The following SMYD4 variants were observed in gnomAD, a reference collection of about 807,000 sequenced individuals.
SMYD4 encodes protein-lysine N-methyltransferase SMYD4.
In SMYD4, 68 loss-of-function variants were observed where a neutral mutation model predicts 72.8. That is an observed-to-expected ratio of 0.93 (90% CI 0.77 to 1.14). The LOEUF (loss-of-function observed/expected upper bound fraction) is 1.14. Among genes scored for constraint, SMYD4 ranks in the 50% most tolerant of loss-of-function variants. The pLI, the probability that SMYD4 is intolerant of heterozygous loss-of-function variation, is 0.00. For missense variants in SMYD4, 984 were observed against 1,003.7 expected (o/e 0.98, Z 0.27); for synonymous variants, 407 against 388.6 (o/e 1.05, Z -0.56).
chr17:1,812,004 T>C lies in SMYD4; in HGVS notation c.246A>G (p.Lys82=). The change falls in exon 3 of 11, where the codon AAA becomes AAG. Residue 82 remains lysine (K), a synonymous_variant. Coordinates refer to ENST00000305513, the MANE Select transcript of SMYD4 (RefSeq NM_052928.3). The part of the protein sequence containing the change: ...REEGNKKFQE[K]DYTGAAVLYS... ...ACAGCACTGCAGCTCCTGTGTAATCTTTCTCCTGAAATTTTTTGTTTCCTT... is the reference window on the plus strand; with the variant it reads ...ACAGCACTGCAGCTCCTGTGTAATCCTTCTCCTGAAATTTTTTGTTTCCTT... 2.5e-6 allele frequency: 4 copies of C among 1,614,160 alleles called. No individual in the cohort carries two copies. Among genetic ancestry groups the C allele is most frequent in the Non-Finnish European group, 3.4e-6 (4 of 1,180,026 alleles).
intron 5 of SMYD4, among the ~76,000 whole-genome samples, chr17:1,799,053 C>T (rs998970155): frequency 3.9e-5 from 6 of 151,936 alleles, no homozygotes; most frequent in South Asian, 2.1e-4. Context: ...GGGCGGATCA[C>T]GAGGTCAGGA....
intron 5 of SMYD4, among the ~76,000 whole-genome samples, chr17:1,789,625 C>T (rs1052507030): frequency 3.9e-4 from 59 of 151,806 alleles, no homozygotes; most frequent in Admixed American, 2.5e-3. Flanking sequence ...CTTAGCTGAG[C>T]GTGGTGGCGT....
chr17:1,814,544 G>C (rs1431768896), intron 2 of SMYD4: 4 of 151,338 alleles, frequency 2.6e-5, no homozygotes, highest in Non-Finnish European at 4.4e-5. Context: ...TCACAAATAG[G>C]GCTGGGTGCA....
At chr17:1,819,351 CGTCTCAGAACAA>C (rs1910782365) in intron 2 of SMYD4, among the ~76,000 whole-genome samples, 1 of 152,054 alleles carries the variant, frequency 6.6e-6, no homozygotes, top group Non-Finnish European at 1.5e-5. Flanking sequence ...AGAGAGACTA[CGTCTCAGAACAA>C]ACAAACAAAC....
At position 1,786,938 on chromosome 17, in the gene SMYD4, GC is replaced by G. The variant is rs1317693893; in HGVS notation, c.1755del (p.Arg585SerfsTer5). On this transcript the variant is annotated frameshift_variant, in exon 7 of 11. Coordinates refer to ENST00000305513, the MANE Select transcript of SMYD4 (RefSeq NM_052928.3). LOFTEE classifies it high-confidence loss of function. ...PHKSRMGVAE[R>X]QQKLRSQYFF... ...AAATACTGAGACCTCAGCTTCTGCTGCCTTTCGGCAACCCCCATCCGGCTCT... is the reference window on the plus strand; with the variant it reads ...AAATACTGAGACCTCAGCTTCTGCTGCTTTCGGCAACCCCCATCCGGCTCT... 9 of 1,613,930 alleles carry G rather than the reference GC, an allele frequency of 5.6e-6. No homozygotes were observed. The highest frequency in any genetic ancestry group is 7.6e-6 in the Non-Finnish European group (9 of 1,180,042).
At chr17:1,788,743 C>CA (rs59298222) in intron 5 of SMYD4, among the ~76,000 whole-genome samples, 106 of 139,462 alleles carry the variant, frequency 7.6e-4, no homozygotes, top group East Asian at 8.2e-4. Context: ...ACCCCGCCTC[C>CA]AAAAAAAAAA....
chr17:1,795,720 G>T (rs563042506), intron 5 of SMYD4, among the ~76,000 whole-genome samples: 1 of 145,334 alleles, frequency 6.9e-6, no homozygotes, highest in Non-Finnish European at 1.5e-5. Flanking sequence ...GGGATTACAC[G>T]CATGAGCCAC....
At chr17:1,812,545 CTTTTTTTTT>C (rs71150818) in intron 2 of SMYD4, among the ~76,000 whole-genome samples, 1 of 63,702 alleles carries the variant, frequency 1.6e-5, no homozygotes, top group Non-Finnish European at 3.0e-5. Context: ...AGCAGAATTT[CTTTTTTTTT>C]TTTTTTTTTT....
At chr17:1,795,665 C>T (rs2151229410) in intron 5 of SMYD4, among the ~76,000 whole-genome samples, 1 of 151,652 alleles carries the variant, frequency 6.6e-6, no homozygotes, top group Admixed American at 6.6e-5. Context: ...TGGTCTCGAA[C>T]TCCTGACCTC....
rs755093777 is a variant in SMYD4 at position 1,787,465 on chromosome 17, C to T, written c.1677G>A (p.Ala559=). ...CTTGCCCCTTTCTAATCCGCTGTGA[C>T]GCCCGGATGGTGGCGACAGTGCTAA... The part of the protein sequence containing the change: ...SFISTVATIR[A]SQRIRKGQEI... Residue 559 remains alanine (A), a synonymous_variant, in exon 6 of 11, where the codon GCG becomes GCA. Transcript: ENST00000305513. 3.3e-5 allele frequency: 51 copies of T among 1,564,514 alleles called. No individual in the cohort carries two copies. Among genetic ancestry groups the T allele is most frequent in the Admixed American group, 7.7e-5 (4 of 52,076 alleles).
At chr17:1,809,935 A>C (rs1318819685) in intron 3 of SMYD4, among the ~76,000 whole-genome samples, 1 of 152,156 alleles carries the variant, frequency 6.6e-6, no homozygotes, top group African/African-American at 2.4e-5. Context: ...TGCTGGGATT[A>C]CAGGTGTGAG....
chr17:1,827,316 G>A (rs561707849), intron 2 of SMYD4, among the ~76,000 whole-genome samples: 1 of 150,960 alleles, frequency 6.6e-6, no homozygotes, highest in South Asian at 2.1e-4. Flanking sequence ...TCTAGCCTGG[G>A]TGACAGAGCG....
At chr17:1,810,034 A>G (rs926456043) in intron 3 of SMYD4, among the ~76,000 whole-genome samples, 1 of 152,034 alleles carries the variant, frequency 6.6e-6, no homozygotes, top group Non-Finnish European at 1.5e-5. Flanking sequence ...GGCTTAAACA[A>G]TCCTCCTGCC....
At chr17:1,792,597 C>T (rs904041417) in intron 5 of SMYD4, among the ~76,000 whole-genome samples, 1 of 152,046 alleles carries the variant, frequency 6.6e-6, no homozygotes, top group African/African-American at 2.4e-5. Flanking sequence ...GCTGAGATCA[C>T]GCCGCTGCAC....
At chr17:1,815,951 T>C (rs57839075) in intron 2 of SMYD4, among the ~76,000 whole-genome samples, 2,721 of 152,170 alleles carry the variant, frequency 0.018, 76 homozygotes, top group African/African-American at 0.06. Flanking sequence ...CCGCCCGCCT[T>C]GGCCTCCCAA....
rs531050553 is a variant in SMYD4, at chr17:1,828,599, C to T, written c.-12-593G>A. ...GCTACCATCTGTGCTCTTAGATCCT[C>T]TTTTTTTTTTTTTTGTGAGGCAGAG... On this transcript the variant is annotated intron_variant, in intron 1 of 10. Coordinates refer to ENST00000305513, the MANE Select transcript of SMYD4 (RefSeq NM_052928.3). Among the ~76,000 whole-genome samples the T allele has an allele frequency of 1.8e-3, 220 of 121,770 alleles. 2 individuals are homozygous for T. The highest frequency in any genetic ancestry group is 3.8e-3 in the Middle Eastern group (1 of 260). 79.9% of individuals were successfully genotyped at this position (121,770 alleles called of 152,430 possible).
chr17:1,825,657 A>G (rs1380524184), intron 2 of SMYD4, among the ~76,000 whole-genome samples: 2 of 151,900 alleles, frequency 1.3e-5, no homozygotes, highest in Non-Finnish European at 2.9e-5. Flanking sequence ...GACGACAGGC[A>G]CATGCCACCA....
intron 3 of SMYD4, among the ~76,000 whole-genome samples, chr17:1,809,267 G>A (rs539539228): frequency 1.6e-3 from 239 of 152,166 alleles, no homozygotes; most frequent in Middle Eastern, 6.8e-3. Context: ...GCCCATATAA[G>A]TATCTTAAAA....
chr17:1,828,028 A>C, intron 1 of SMYD4, 22 bp from the exon 2 acceptor site: 1 of 1,589,240 alleles, frequency 6.3e-7, no homozygotes, highest in Non-Finnish European at 8.6e-7. Flanking sequence ...GTAAGAAAAT[A>C]GGAATCTTAC....
Sources: gnomAD v4.1 joint callset for allele counts (sites outside exome capture counted in the v4.1 genomes callset) on GRCh38, gnomAD v4.1.1 for gene constraint, MANE v1.5 for transcripts, NCBI Gene and HGNC (gene_info 2026-07-23, HGNC 2026-07-21) for gene names.